Variants in RALYL observed in about 807,000 individuals in gnomAD.
RALYL encodes RNA-binding Raly-like protein.
A neutral mutation model predicts 35.1 loss-of-function variants in RALYL; 29 were observed. The ratio of observed to expected loss-of-function variants is 0.83; its 90% CI spans 0.61 to 1.13. The LOEUF (loss-of-function observed/expected upper bound fraction) is 1.13, where lower values mean the gene tolerates loss of function less well. Among genes scored for constraint, RALYL ranks in the 50% most tolerant of loss-of-function variants. The pLI is 0.00. For synonymous variants in RALYL, 120 were observed against 127.6 expected (o/e 0.94, Z 0.40); for missense variants, 359 against 360.4 (o/e 1.00, Z 0.03).
At chr8:84,218,445 G>A (rs1038606536) in intron 1 of RALYL, among the ~76,000 whole-genome samples, 2 of 152,122 alleles carry the variant, frequency 1.3e-5, no homozygotes, top group South Asian at 4.1e-4. Context: ...GCCTTCAATT[G>A]CAAAATATGG....
chr8:84,483,035 A>AT (rs1468291401), intron 1 of RALYL, among the ~76,000 whole-genome samples: 16 of 152,030 alleles, frequency 1.1e-4, no homozygotes, highest in Non-Finnish European at 1.3e-4. Flanking sequence ...TAATTTTGTG[A>AT]TTTTTTATTG....
rs576635339 is a variant in RALYL at position 84,575,059 on chromosome 8, G to T, written c.256+45482G>T. Among the ~76,000 whole-genome samples the T allele has an allele frequency of 2.1e-4, 32 of 151,920 alleles. No homozygotes were observed. The South Asian group carries it at 6.0e-3, about 29-fold the overall frequency. ...CAGATAACTTCAACCTCAGATTTTT[G>T]AATTATAAAAGCAAAAAAGATTATG... On this transcript the variant is annotated intron_variant, in intron 2 of 8. Transcript: ENST00000521268.
At position 84,790,714 on chromosome 8, in the gene RALYL, G is replaced by A. The variant is rs1820567079; in HGVS notation, c.333-14056G>A. On this transcript the variant is annotated intron_variant, in intron 3 of 8. Transcript: ENST00000521268. ...AGTGTCTCAAGCCAGAGTACATTCAGAGATTCCAGTGCAGTTACATTGTGG... is the reference window on the plus strand; with the variant it reads ...AGTGTCTCAAGCCAGAGTACATTCAAAGATTCCAGTGCAGTTACATTGTGG... Among the ~76,000 whole-genome samples the A allele has an allele frequency of 1.3e-5, 2 of 152,138 alleles. 1 individual carries two copies. The highest frequency in any genetic ancestry group is 4.1e-4 in the South Asian group (2 of 4,828).
At chr8:84,369,778 G>T (rs1855297998) in intron 1 of RALYL, among the ~76,000 whole-genome samples, 1 of 152,206 alleles carries the variant, frequency 6.6e-6, no homozygotes, top group African/African-American at 2.4e-5. Context: ...TTATAGGAAA[G>T]TGCTCTCCAA....
At chr8:84,546,345 G>C (rs783786) in intron 2 of RALYL, among the ~76,000 whole-genome samples, 146,171 of 152,242 alleles carry the variant, frequency 0.96, 70,216 homozygotes, top group East Asian at 1. Context: ...GTCTCAAACT[G>C]CTAGGCTCAA....
chr8:84,908,837 T>C (rs1462367078), intron 8 of RALYL, among the ~76,000 whole-genome samples: 1 of 151,888 alleles, frequency 6.6e-6, no homozygotes, highest in Admixed American at 6.6e-5. Flanking sequence ...CTGAATGATA[T>C]TCTGACTGGA....
intron 1 of RALYL, among the ~76,000 whole-genome samples, chr8:84,463,760 G>A (rs2051113101): frequency 6.6e-6 from 1 of 151,934 alleles, no homozygotes; most frequent in African/African-American, 2.4e-5. Context: ...AAGGTTTACT[G>A]GGAAATAATT....
intron 2 of RALYL, among the ~76,000 whole-genome samples, chr8:84,615,570 C>CTTTTTTTTTTTTTTTTTTTTTTTTTTTTT (rs60428128): frequency 3.0e-5 from 2 of 67,364 alleles, no homozygotes; most frequent in African/African-American, 6.5e-5. Context: ...GAACTTTCGT[C>CTTTTTTTTTTTTTTTTTTTTTTTTTTTTT]TTTTTTTTTT....
At chr8:84,203,925 A>G (rs1364684687) in intron 1 of RALYL, among the ~76,000 whole-genome samples, 1 of 151,928 alleles carries the variant, frequency 6.6e-6, no homozygotes, top group East Asian at 1.9e-4. Flanking sequence ...TCACTATGAT[A>G]CTCTCTTATA....
intron 8 of RALYL, among the ~76,000 whole-genome samples, chr8:84,908,829 G>A (rs573229203): frequency 8.7e-4 from 132 of 151,104 alleles, no homozygotes; most frequent in Non-Finnish European, 1.7e-3. Flanking sequence ...TGATGTCACT[G>A]AATGATATTC....
chr8:84,619,150 G>C (rs1410722099), intron 2 of RALYL, among the ~76,000 whole-genome samples: 2 of 151,502 alleles, frequency 1.3e-5, no homozygotes, highest in Non-Finnish European at 2.9e-5. Flanking sequence ...GGGTATCCTT[G>C]TTGACTTTCT....
At chr8:84,762,152 G>C (rs550106497) in intron 2 of RALYL, among the ~76,000 whole-genome samples, 3 of 152,164 alleles carry the variant, frequency 2.0e-5, no homozygotes, top group Non-Finnish European at 2.9e-5. Flanking sequence ...GGGCAAGAGA[G>C]GGAATGCAGT....
intron 1 of RALYL, among the ~76,000 whole-genome samples, chr8:84,439,985 A>G (rs1175074445): frequency 6.6e-6 from 1 of 152,142 alleles, no homozygotes; most frequent in Admixed American, 6.6e-5. Context: ...GGTTTCAGTA[A>G]CAAAATTTAA....
intron 6 of RALYL, among the ~76,000 whole-genome samples, chr8:84,866,192 G>A (rs1445070270): frequency 6.6e-6 from 1 of 152,146 alleles, no homozygotes. Context: ...CTGAAAGATA[G>A]AATGAGAGAT....
intron 1 of RALYL, among the ~76,000 whole-genome samples, chr8:84,224,179 C>T (rs1459464612): frequency 2.0e-5 from 3 of 152,160 alleles, no homozygotes; most frequent in Non-Finnish European, 4.4e-5. Context: ...TGGTCATATG[C>T]TCACTGCAAG....
intron 1 of RALYL, among the ~76,000 whole-genome samples, chr8:84,413,122 T>C (rs1401629163): frequency 6.7e-6 from 1 of 150,364 alleles, no homozygotes; most frequent in Admixed American, 6.6e-5. Flanking sequence ...TATATAATTA[T>C]ATACATAATT....
chr8:84,735,327 T>A (rs946149686), intron 2 of RALYL, among the ~76,000 whole-genome samples: 5 of 151,918 alleles, frequency 3.3e-5, no homozygotes, highest in African/African-American at 1.2e-4. Flanking sequence ...AAGGAAAAAC[T>A]CCTATCCAAC....
At chr8:84,820,816 A>G (rs1828363771) in intron 4 of RALYL, among the ~76,000 whole-genome samples, 2 of 152,120 alleles carry the variant, frequency 1.3e-5, no homozygotes, top group South Asian at 2.1e-4. Context: ...AAGGGTAATC[A>G]TATAGTCAGA....
intron 1 of RALYL, among the ~76,000 whole-genome samples, chr8:84,407,437 C>A (rs1025582283): frequency 2.0e-5 from 3 of 152,016 alleles, no homozygotes; most frequent in African/African-American, 4.8e-5. Flanking sequence ...GAAGGAATCC[C>A]CATGTGTCTA....
Sources: allele counts gnomAD v4.1 joint callset (sites outside exome capture counted in the v4.1 genomes callset), GRCh38; gene constraint gnomAD v4.1.1; transcripts MANE v1.5; gene names NCBI Gene and HGNC (gene_info 2026-07-23, HGNC 2026-07-21).